SLC24A3: variants seen among roughly 807,000 people sequenced by gnomAD.
The protein encoded by SLC24A3 is sodium/potassium/calcium exchanger 3.
In SLC24A3, 28 loss-of-function variants were observed where a neutral mutation model predicts 75.8. That is an observed-to-expected ratio of 0.37 (90% CI 0.27 to 0.51). The LOEUF (loss-of-function observed/expected upper bound fraction) is 0.51. Among genes scored for constraint, SLC24A3 ranks in the 20% least tolerant of loss-of-function variants. The pLI is 0.94. For missense variants in SLC24A3, 663 were observed against 847.8 expected (o/e 0.78, Z 2.71); for synonymous variants, 372 against 334.1 (o/e 1.11, Z -1.24).
intron 2 of SLC24A3, among the ~76,000 whole-genome samples, chr20:19,468,712 C>G (rs1032389334): frequency 6.6e-6 from 1 of 152,184 alleles, no homozygotes; most frequent in Non-Finnish European, 1.5e-5. Flanking sequence ...TCAGCTAGCT[C>G]AGGCTTGTTG....
chr20:19,239,771 C>A (rs1225608416), intron 1 of SLC24A3, among the ~76,000 whole-genome samples: 1 of 152,208 alleles, frequency 6.6e-6, no homozygotes, highest in Non-Finnish European at 1.5e-5. Context: ...CCCTCGATGG[C>A]TTTGCCTTTG....
chr20:19,713,969 G>A lies in SLC24A3; in HGVS notation c.1720-3559G>A, dbSNP rs2033016576. Among the ~76,000 whole-genome samples, 3 of 152,186 alleles carry A rather than the reference G, an allele frequency of 2.0e-5. No homozygotes were observed. The South Asian group carries it at 6.2e-4, about 32-fold the overall frequency. ...AGAGGGTTGCAAACATTTTCTACAA[G>A]GGGCCAGAGAGGAAATATTTTAAGC... On this transcript the variant is annotated intron_variant, in intron 15 of 16. Coordinates refer to ENST00000328041, the MANE Select transcript of SLC24A3 (RefSeq NM_020689.4).
chr20:19,264,927 A>G (rs921307770), intron 1 of SLC24A3, among the ~76,000 whole-genome samples: 33 of 152,196 alleles, frequency 2.2e-4, no homozygotes, highest in African/African-American at 7.0e-4. Context: ...AACCTTTGTA[A>G]TGCATGTTTA....
chr20:19,416,632 A>G (rs567630459), intron 2 of SLC24A3, among the ~76,000 whole-genome samples: 20 of 152,280 alleles, frequency 1.3e-4, no homozygotes, highest in Non-Finnish European at 2.6e-4. Flanking sequence ...TTGATATAGT[A>G]CAAGAGAGAT....
chr20:19,382,155 A>G (rs919796841), intron 2 of SLC24A3, among the ~76,000 whole-genome samples: 4 of 152,240 alleles, frequency 2.6e-5, no homozygotes, highest in Non-Finnish European at 5.9e-5. Flanking sequence ...ACCAATTTGT[A>G]TGATTCACTA....
chr20:19,519,424 G>A (rs1050122377), intron 3 of SLC24A3, among the ~76,000 whole-genome samples: 4 of 152,124 alleles, frequency 2.6e-5, no homozygotes, highest in African/African-American at 9.7e-5. Context: ...TCTGAACATC[G>A]CAGCTTGAAT....
chr20:19,709,837 C>G (rs976023012), intron 15 of SLC24A3, among the ~76,000 whole-genome samples: 1 of 152,132 alleles, frequency 6.6e-6, no homozygotes, highest in African/African-American at 2.4e-5. Context: ...CCTCAGTTGT[C>G]TCATCTTTCA....
rs370156019 is a variant in SLC24A3, at chr20:19,588,608, T to C, written c.612+3064T>C. Reference sequence around the variant, plus strand: ...TTTTAGAAAGTGGCTTATAGAGAGGTTCTTGGCATCACTTCAAGACATTTA... The same window carrying C: ...TTTTAGAAAGTGGCTTATAGAGAGGCTCTTGGCATCACTTCAAGACATTTA... On this transcript the variant is annotated intron_variant, in intron 6 of 16. Transcript: ENST00000328041. Among the ~76,000 whole-genome samples, 10 of 152,282 alleles carry C rather than the reference T, an allele frequency of 6.6e-5. 2 individuals are homozygous for C.
At chr20:19,665,778 G>T in intron 7 of SLC24A3, 86 bp from the exon 8 acceptor site, 1 of 1,456,320 alleles carries the variant, frequency 6.9e-7, no homozygotes, top group Non-Finnish European at 9.1e-7. Context: ...TGGATACTGC[G>T]TGCAGCCTTA....
chr20:19,376,321 C>A (rs1600454416), intron 2 of SLC24A3, among the ~76,000 whole-genome samples: 1 of 152,250 alleles, frequency 6.6e-6, no homozygotes, highest in African/African-American at 2.4e-5. Flanking sequence ...AGTGAAAGGA[C>A]AAATGGAGGG....
chr20:19,328,325 C>T (rs1458544267), intron 2 of SLC24A3, among the ~76,000 whole-genome samples: 3 of 152,020 alleles, frequency 2.0e-5, no homozygotes, highest in Non-Finnish European at 4.4e-5. Context: ...AGTGGAGAGC[C>T]GCCTCTTGCT....
intron 2 of SLC24A3, among the ~76,000 whole-genome samples, chr20:19,461,529 C>CTTTTTTTTTTTTTTTTTTTTT (rs11468628): frequency 4.9e-5 from 5 of 101,426 alleles, no homozygotes; most frequent in East Asian, 2.8e-4. Context: ...TCTTTTTTTT[C>CTTTTTTTTTTTTTTTTTTTTT]TTTTTTTTTT....
chr20:19,654,821 T>C (rs1425576962), intron 7 of SLC24A3, among the ~76,000 whole-genome samples: 2 of 151,858 alleles, frequency 1.3e-5, no homozygotes, highest in Non-Finnish European at 2.9e-5. Context: ...CTAATTTTTG[T>C]ATTTTAGTAG....
intron 2 of SLC24A3, among the ~76,000 whole-genome samples, chr20:19,504,180 C>T (rs1017933565): frequency 1.3e-5 from 2 of 152,118 alleles, no homozygotes; most frequent in East Asian, 1.9e-4. Context: ...AATTGGCAGT[C>T]GTGGAATAAC....
At chr20:19,552,680 A>C (rs2030715665) in intron 3 of SLC24A3, among the ~76,000 whole-genome samples, 1 of 152,176 alleles carries the variant, frequency 6.6e-6, no homozygotes, top group Non-Finnish European at 1.5e-5. Context: ...GAGGTTAAAC[A>C]ATTCAAAAGA....
chr20:19,349,918 T>A (rs537199157), intron 2 of SLC24A3, among the ~76,000 whole-genome samples: 1 of 152,338 alleles, frequency 6.6e-6, no homozygotes, highest in South Asian at 2.1e-4. Flanking sequence ...GTGTGGCATA[T>A]GTTTCTAAGC....
rs758512824 is a variant in SLC24A3, at chr20:19,584,977, C to T, written c.430C>T (p.His144Tyr). ...TGTCTTTGCTCCTCTGTAGCGCCTG[C>T]ACCTCAGTGAAGATGTGGCTGGGGC... ...PSLEKICERL[H>Y]LSEDVAGATF... is the part of the protein sequence containing the mutation. The change falls in exon 5 of 17, where the codon CAC (histidine) becomes TAC (tyrosine). Residue 144 changes from histidine to tyrosine, a missense_variant. Transcript: ENST00000328041. 1.2e-6 allele frequency: 2 copies of T among 1,613,406 alleles called. No individual in the cohort carries two copies.
chr20:19,515,206 G>T (rs1035446082), intron 2 of SLC24A3, among the ~76,000 whole-genome samples: 1 of 152,216 alleles, frequency 6.6e-6, no homozygotes, highest in Admixed American at 6.5e-5. Context: ...ACCACCATAA[G>T]ATTGAAGCAG....
In SLC24A3 at chr20:19,224,994, T is replaced by A. The variant is rs921335224; in HGVS notation, c.142+12010T>A. Among the ~76,000 whole-genome samples the A allele has an allele frequency of 2.0e-5, 3 of 152,160 alleles. No homozygotes were observed. In the South Asian group the frequency reaches 6.2e-4, roughly 32 times the overall value. ...AATTTTCAGGGTGAGCCACTTCTTG[T>A]GACAAAAAAGAGATTTGTTTAATCA... On this transcript the variant is annotated intron_variant, in intron 1 of 16. Coordinates refer to ENST00000328041, the MANE Select transcript of SLC24A3 (RefSeq NM_020689.4).
Sources: gnomAD v4.1 joint callset for allele counts (sites outside exome capture counted in the v4.1 genomes callset) on GRCh38, gnomAD v4.1.1 for gene constraint, MANE v1.5 for transcripts, NCBI Gene and HGNC (gene_info 2026-07-23, HGNC 2026-07-21) for gene names.